The following NLGN1 variants were observed in gnomAD, a reference collection of about 807,000 sequenced individuals.
NLGN1 encodes neuroligin-1.
Under a neutral mutation model 65.5 loss-of-function variants are expected in NLGN1, and 12 were observed. The observed-to-expected ratio is 0.18, with a 90% confidence interval of 0.12 to 0.30. NLGN1 has a LOEUF of 0.30. Among genes scored for constraint, NLGN1 ranks in the 10% least tolerant of loss-of-function variants. The probability of loss-of-function intolerance (pLI) is 1.00; values close to 1 mark genes in which losing one functional copy is unlikely to be tolerated. For missense variants in NLGN1, 750 were observed against 1,007.1 expected (o/e 0.74, Z 3.46); for synonymous variants, 350 against 359.5 (o/e 0.97, Z 0.30).
intron 4 of NLGN1, among the ~76,000 whole-genome samples, chr3:173,869,934 C>T (rs1322899459): frequency 1.3e-5 from 2 of 152,080 alleles, no homozygotes; most frequent in African/African-American, 4.8e-5. Flanking sequence ...ATAAATTGAG[C>T]ACACATTTGA....
At chr3:174,011,556 A>G (rs935309873) in intron 4 of NLGN1, among the ~76,000 whole-genome samples, 4 of 152,186 alleles carry the variant, frequency 2.6e-5, no homozygotes, top group Admixed American at 6.5e-5. Flanking sequence ...TCTTGGATCC[A>G]TAACTATACT....
At chr3:173,963,901 A>C (rs1259943506) in intron 4 of NLGN1, among the ~76,000 whole-genome samples, 1 of 152,134 alleles carries the variant, frequency 6.6e-6, no homozygotes, top group Non-Finnish European at 1.5e-5. Context: ...GTGAATGAAA[A>C]TTCTATAAAA....
At chr3:173,526,781 A>T (rs977109025) in intron 2 of NLGN1, among the ~76,000 whole-genome samples, 1 of 151,882 alleles carries the variant, frequency 6.6e-6, no homozygotes, top group East Asian at 1.9e-4. Context: ...CCATCCTTCT[A>T]CTCTGTCTTC....
chr3:173,669,769 G>GTT (rs1218463942), intron 3 of NLGN1, among the ~76,000 whole-genome samples: 1 of 152,098 alleles, frequency 6.6e-6, no homozygotes, highest in African/African-American at 2.4e-5. Flanking sequence ...TATAATACAA[G>GTT]TTTTTTAACA....
At chr3:174,242,296 C>T (rs1190086832) in intron 4 of NLGN1, among the ~76,000 whole-genome samples, 2 of 151,818 alleles carry the variant, frequency 1.3e-5, no homozygotes. Context: ...AATCAGGCCG[C>T]ACAAGAGAAT....
chr3:174,003,805 G>A (rs911498845), intron 4 of NLGN1, among the ~76,000 whole-genome samples: 1 of 151,836 alleles, frequency 6.6e-6, no homozygotes, highest in African/African-American at 2.4e-5. Flanking sequence ...GTATTTTTTT[G>A]CAATTGAATG....
At chr3:173,515,520 G>A (rs990930005) in intron 2 of NLGN1, among the ~76,000 whole-genome samples, 15 of 151,828 alleles carry the variant, frequency 9.9e-5, no homozygotes, top group Admixed American at 5.9e-4. Flanking sequence ...TTTTGCTTTG[G>A]TTGCCCATGC....
At chr3:173,614,436 T>TGC (rs1209281067) in intron 3 of NLGN1, among the ~76,000 whole-genome samples, 2 of 152,132 alleles carry the variant, frequency 1.3e-5, no homozygotes, top group African/African-American at 4.8e-5. Flanking sequence ...GAAGAATGCC[T>TGC]GCAACATCCT....
chr3:173,915,310 A>T (rs1740511197), intron 4 of NLGN1, among the ~76,000 whole-genome samples: 1 of 152,232 alleles, frequency 6.6e-6, no homozygotes, highest in African/African-American at 2.4e-5. Context: ...ATGAGTAACC[A>T]GCCCCTTTGC....
At chr3:173,781,795 T>C (rs1407440986) in intron 3 of NLGN1, among the ~76,000 whole-genome samples, 1 of 152,236 alleles carries the variant, frequency 6.6e-6, no homozygotes, top group Non-Finnish European at 1.5e-5. Flanking sequence ...TGTTGATGTG[T>C]TTTGAAAAAG....
intron 4 of NLGN1, among the ~76,000 whole-genome samples, chr3:173,899,982 AAT>A (rs1356714302): frequency 6.6e-6 from 1 of 152,112 alleles, no homozygotes; most frequent in Non-Finnish European, 1.5e-5. Context: ...CATAAGAGAT[AAT>A]GTGTTCAGAT....
At chr3:174,241,816 G>T (rs1742906431) in intron 4 of NLGN1, among the ~76,000 whole-genome samples, 1 of 151,842 alleles carries the variant, frequency 6.6e-6, no homozygotes, top group Non-Finnish European at 1.5e-5. Flanking sequence ...CCGCCACCAC[G>T]CCTGGATAAT....
At chr3:173,537,729 A>G (rs937830971) in intron 2 of NLGN1, among the ~76,000 whole-genome samples, 3 of 152,052 alleles carry the variant, frequency 2.0e-5, no homozygotes, top group Non-Finnish European at 2.9e-5. Context: ...GGTCTGGACT[A>G]TTTGTAGTGC....
At chr3:173,784,544 G>A (rs1320658023) in intron 3 of NLGN1, among the ~76,000 whole-genome samples, 1 of 152,134 alleles carries the variant, frequency 6.6e-6, no homozygotes, top group Non-Finnish European at 1.5e-5. Flanking sequence ...CCTAGAGGCA[G>A]AGAGCGAGAG....
intron 4 of NLGN1, among the ~76,000 whole-genome samples, chr3:174,270,742 CAG>C (rs1749243587): frequency 6.6e-6 from 1 of 151,696 alleles, no homozygotes; most frequent in Non-Finnish European, 1.5e-5. Context: ...AAGCAGGAGA[CAG>C]AGGCAGAATG....
chr3:174,127,425 T>G (rs1040669041), intron 4 of NLGN1, among the ~76,000 whole-genome samples: 3 of 152,184 alleles, frequency 2.0e-5, no homozygotes, highest in African/African-American at 7.2e-5. Context: ...GATTTTTTAC[T>G]CGTAATAGCT....
intron 3 of NLGN1, among the ~76,000 whole-genome samples, chr3:173,623,949 TA>T (rs1488824088): frequency 6.6e-6 from 1 of 152,120 alleles, no homozygotes; most frequent in Admixed American, 6.6e-5. Context: ...AGATAGGCAA[TA>T]AATAACTTTA....
chr3:174,175,383 A>G (rs1729253792), intron 4 of NLGN1, among the ~76,000 whole-genome samples: 1 of 151,912 alleles, frequency 6.6e-6, no homozygotes, highest in Non-Finnish European at 1.5e-5. Flanking sequence ...ATCATTATAT[A>G]GTGACATTTT....
At chr3:173,894,222 G>T (rs1199394613) in intron 4 of NLGN1, among the ~76,000 whole-genome samples, 1 of 152,054 alleles carries the variant, frequency 6.6e-6, no homozygotes. Flanking sequence ...ACATCATATA[G>T]TTAGTGTAGT....
Sources: gnomAD v4.1 joint callset for allele counts (sites outside exome capture counted in the v4.1 genomes callset) on GRCh38, gnomAD v4.1.1 for gene constraint, MANE v1.5 for transcripts, NCBI Gene and HGNC (gene_info 2026-07-23, HGNC 2026-07-21) for gene names.